USP54: variants seen among roughly 807,000 people sequenced by gnomAD.
USP54 encodes ubiquitin carboxyl-terminal hydrolase 54.
A neutral mutation model predicts 170.5 loss-of-function variants in USP54; 87 were observed. The observed-to-expected ratio is 0.51, with a 90% CI of 0.43 to 0.61. The LOEUF is 0.61. Among genes scored for constraint, USP54 ranks in the 20% least tolerant of loss-of-function variants. The pLI, the probability that USP54 is intolerant of heterozygous loss-of-function variation, is 0.00. For synonymous variants in USP54, 655 were observed against 742.8 expected (o/e 0.88, Z 1.92); for missense variants, 1,786 against 2,047.8 (o/e 0.87, Z 2.47).
chr10:73,544,538 C>T (rs371253246), intron 5 of USP54, among the ~76,000 whole-genome samples: 9 of 152,228 alleles, frequency 5.9e-5, no homozygotes, highest in African/African-American at 1.7e-4. Flanking sequence ...CTAGATCATA[C>T]GGTAGTTTAC....
intron 20 of USP54, among the ~76,000 whole-genome samples, chr10:73,508,401 C>G (rs933787286): frequency 4.5e-5 from 5 of 111,646 alleles, no homozygotes; most frequent in African/African-American, 1.4e-4. Flanking sequence ...AGTGAGAATC[C>G]AGAAAAAAAA....
At chr10:73,587,996 A>G (rs1361680756) in intron 1 of USP54, among the ~76,000 whole-genome samples, 1 of 152,246 alleles carries the variant, frequency 6.6e-6, no homozygotes, top group Non-Finnish European at 1.5e-5. Flanking sequence ...CAGGAATTCC[A>G]TAAAGAGTAA....
At position 73,504,901 on chromosome 10, in the gene USP54, A is replaced by G. The variant is rs765396236; in HGVS notation, c.4260T>C (p.Ser1420=). 18 of 1,614,036 alleles carry G rather than the reference A, an allele frequency of 1.1e-5. No homozygotes were observed. The highest frequency in any genetic ancestry group is 1.4e-5 in the Non-Finnish European group (17 of 1,180,030). The change falls in exon 22 of 24, where the codon AGT becomes AGC. Residue 1420 remains serine (S), a synonymous_variant. Coordinates refer to ENST00000687698, the MANE Select transcript of USP54 (RefSeq NM_001391956.1). ...CCTCCCTCTCTGAGACAACGGTGCC[A>G]CTGAGACTGCGTGAGATGCGACGTA... The part of the protein sequence containing the change: ...ENLRRISRSL[S]GTVVSEREEA...
intron 19 of USP54, chr10:73,518,293 A>G: frequency 1.1e-6 from 1 of 946,338 alleles, no homozygotes; most frequent in Non-Finnish European, 1.3e-6. Context: ...ACCATTTCAA[A>G]TATGTTTTTA....
rs1483060980 is a variant in USP54, at chr10:73,499,170, T to G, written c.4514A>C (p.Gln1505Pro). 1.9e-6 allele frequency: 3 copies of G among 1,606,668 alleles called. No homozygotes were observed. The highest frequency in any genetic ancestry group is 1.7e-5 in the Admixed American group (1 of 58,294). The change falls in exon 24 of 24, where the codon CAG (glutamine) becomes CCG (proline). Residue 1505 changes from glutamine (Q) to proline (P), a missense_variant. Transcript: ENST00000687698. ...NRLPGTSRSV[Q>P]QFLAMCDRGE... The stretch of plus-strand genomic sequence containing the variant: ...CCTGTCACACATAGCCAGAAACTGC[T>G]GGACACTCCTTGAAGTTCCTGGGGA...
At chr10:73,608,693 C>T (rs1184165150) in intron 1 of USP54, among the ~76,000 whole-genome samples, 3 of 152,050 alleles carry the variant, frequency 2.0e-5, no homozygotes, top group Non-Finnish European at 4.4e-5. Flanking sequence ...CCCAGGAGTT[C>T]GAGACCAGCC....
At chr10:73,568,182 G>A (rs112652126) in intron 4 of USP54, among the ~76,000 whole-genome samples, 7,738 of 152,110 alleles carry the variant, frequency 0.051, 599 homozygotes, top group African/African-American at 0.17. Context: ...CAAAGCACTG[G>A]GATTACAGGC....
At chr10:73,602,573 T>C (rs2079260892) in intron 1 of USP54, among the ~76,000 whole-genome samples, 1 of 143,914 alleles carries the variant, frequency 6.9e-6, no homozygotes, top group Non-Finnish European at 1.5e-5. Context: ...AATAGTATAA[T>C]AGTGGCCAGG....
intron 3 of USP54, among the ~76,000 whole-genome samples, chr10:73,575,301 A>G (rs1008451501): frequency 7.2e-5 from 11 of 152,310 alleles, no homozygotes; most frequent in Non-Finnish European, 1.6e-4. Flanking sequence ...TTCTCTTATC[A>G]TTATTAATCC....
chr10:73,621,945 T>A (rs1361239484), intron 1 of USP54, among the ~76,000 whole-genome samples: 1 of 152,140 alleles, frequency 6.6e-6, no homozygotes, highest in East Asian at 1.9e-4. Flanking sequence ...GATACCCCTA[T>A]CCATTTATAC....
intron 1 of USP54, among the ~76,000 whole-genome samples, chr10:73,610,239 C>T (rs1407746586): frequency 6.6e-6 from 1 of 152,124 alleles, no homozygotes; most frequent in Admixed American, 6.6e-5. Context: ...CAAGATGTTT[C>T]TTCAGAAATT....
intron 19 of USP54, 97 bp downstream of exon 19, chr10:73,519,700 C>A: frequency 6.4e-7 from 1 of 1,551,400 alleles, no homozygotes; most frequent in Non-Finnish European, 8.7e-7. Flanking sequence ...TCCTCTCTCC[C>A]CTTCAGTCGC....
chr10:73,602,194 G>A (rs2079217799), intron 1 of USP54, among the ~76,000 whole-genome samples: 1 of 152,154 alleles, frequency 6.6e-6, no homozygotes, highest in Non-Finnish European at 1.5e-5. Context: ...TGCCATAGCA[G>A]TCTATTTATT....
At chr10:73,527,831 C>G (rs775107539) in intron 15 of USP54, among the ~76,000 whole-genome samples, 2 of 119,674 alleles carry the variant, frequency 1.7e-5, no homozygotes, top group Non-Finnish European at 1.7e-5. Flanking sequence ...GAAACCCCAT[C>G]GATACCAAAA....
intron 3 of USP54, 135 bp downstream of exon 3, chr10:73,575,377 A>G: frequency 9.4e-7 from 1 of 1,065,796 alleles, no homozygotes. Flanking sequence ...GATCACACAG[A>G]TAAATGTAAA....
chr10:73,619,355 G>A (rs1187296513), intron 1 of USP54, among the ~76,000 whole-genome samples: 2 of 149,766 alleles, frequency 1.3e-5, no homozygotes, highest in Non-Finnish European at 2.9e-5. Context: ...AGCCTCCTAC[G>A]TAGCTGGGGT....
chr10:73,519,787 C>G lies in USP54; in HGVS notation c.2678+10G>C. The G allele has an allele frequency of 6.2e-7, 1 of 1,613,606 alleles. No individual in the cohort carries two copies. The highest frequency in any genetic ancestry group is 8.5e-7 in the Non-Finnish European group (1 of 1,179,886). On this transcript the variant is annotated intron_variant, in intron 19 of 23. Coordinates refer to ENST00000687698, the MANE Select transcript of USP54 (RefSeq NM_001391956.1). ...GGCATTCATAAACTAACATGGTTCCCAAGCACTACCTTGTTGGCTGAGAGA... is the reference window on the plus strand; with the variant it reads ...GGCATTCATAAACTAACATGGTTCCGAAGCACTACCTTGTTGGCTGAGAGA...
At chr10:73,581,904 C>T (rs978981422) in intron 1 of USP54, among the ~76,000 whole-genome samples, 1 of 152,094 alleles carries the variant, frequency 6.6e-6, no homozygotes, top group Non-Finnish European at 1.5e-5. Context: ...AAAGACATAC[C>T]TCTAGAAGCT....
In USP54 at chr10:73,574,939, A is replaced by C. The variant is rs141132927; in HGVS notation, c.147+573T>G. 5.9e-5 allele frequency among the ~76,000 whole-genome samples: 9 copies of C among 152,068 alleles called. No individual in the cohort carries two copies. In the East Asian group the frequency reaches 1.7e-3, roughly 29 times the overall value. On this transcript the variant is annotated intron_variant, in intron 3 of 23. Transcript: ENST00000687698. ...TCAGGAAAAAAAGTTGATAAATAGA[A>C]AGATAGGCCAGGCACGGTGGTTCAT...
Sources: gnomAD v4.1 joint callset for allele counts (sites outside exome capture counted in the v4.1 genomes callset) on GRCh38, gnomAD v4.1.1 for gene constraint, MANE v1.5 for transcripts, NCBI Gene and HGNC (gene_info 2026-07-23, HGNC 2026-07-21) for gene names.